CLSTN1: variants seen among roughly 807,000 people sequenced by gnomAD.
The protein encoded by CLSTN1 is calsyntenin-1.
CLSTN1 carries 28 observed loss-of-function variants against 108.3 expected under a neutral mutation model. The ratio of observed to expected loss-of-function variants is 0.26; its 90% CI spans 0.19 to 0.35. The LOEUF is 0.35. CLSTN1 is among the 10% of genes least tolerant of loss of function. The pLI is 1.00. For missense variants in CLSTN1, 1,157 were observed against 1,302.6 expected, an observed-to-expected ratio of 0.89 and a Z score of 1.72; for synonymous variants, 524 against 534.9, an observed-to-expected ratio of 0.98 and a Z score of 0.28.
intron 1 of CLSTN1, 26 bp from the exon 2 acceptor site, chr1:9,773,420 T>C (rs1466961220): frequency 9.6e-6 from 15 of 1,569,120 alleles, no homozygotes; most frequent in Non-Finnish European, 1.3e-5. Context: ...GAGAAAAAAA[T>C]AGACAAGGTT....
chr1:9,742,912 A>C (rs1651053264), intron 9 of CLSTN1, among the ~76,000 whole-genome samples: 1 of 150,792 alleles, frequency 6.6e-6, no homozygotes, highest in African/African-American at 2.4e-5. Context: ...TCTCGGGGGA[A>C]AAAAAAAAGA....
intron 2 of CLSTN1, among the ~76,000 whole-genome samples, chr1:9,757,141 T>G (rs567175943): frequency 1.3e-5 from 2 of 152,158 alleles, no homozygotes; most frequent in South Asian, 2.1e-4. Flanking sequence ...TTTGTTATTT[T>G]GCAGTTTTCA....
intron 5 of CLSTN1, chr1:9,750,133 C>G (rs1236988082): frequency 2.0e-6 from 1 of 497,116 alleles, no homozygotes. Flanking sequence ...CGGAGCTACA[C>G]AGCTCAGTCT....
In CLSTN1 at chr1:9,735,634, C is replaced by G. The variant is rs758945881; in HGVS notation, c.1735-19G>C. 3.1e-6 allele frequency: 5 copies of G among 1,613,944 alleles called. No homozygotes were observed. The highest frequency in any genetic ancestry group is 3.4e-6 in the Non-Finnish European group (4 of 1,179,892). On this transcript the variant is annotated intron_variant, in intron 12 of 18. Transcript: ENST00000377298. ...CTTGGATCTGAAATCACACCAGCCA[C>G]AGAGAGGAGAAGAATAAGCCAGTAA...
chr1:9,752,328 A>G (rs1651595084), intron 4 of CLSTN1, among the ~76,000 whole-genome samples: 1 of 152,208 alleles, frequency 6.6e-6, no homozygotes, highest in Non-Finnish European at 1.5e-5. Context: ...AAAAAACTGT[A>G]GGTTTCAAGG....
At chr1:9,760,970 A>C (rs1396106652) in intron 2 of CLSTN1, among the ~76,000 whole-genome samples, 1 of 151,944 alleles carries the variant, frequency 6.6e-6, no homozygotes, top group East Asian at 1.9e-4. Flanking sequence ...ATTGCCTCTC[A>C]CATCCCAGTT....
intron 1 of CLSTN1, among the ~76,000 whole-genome samples, chr1:9,790,398 G>A (rs1653706939): frequency 6.6e-6 from 1 of 151,360 alleles, no homozygotes. Flanking sequence ...GGTATGCTGT[G>A]ACTTTTCTTT....
rs2101372192 is a variant in CLSTN1 at position 9,823,948 on chromosome 1, A to G, written c.-215T>C. On this transcript the variant is annotated 5_prime_UTR_variant, in exon 1 of 19. Coordinates refer to ENST00000377298, the MANE Select transcript of CLSTN1 (RefSeq NM_001009566.3). This position sits in a 1 kb window ranked among gnomAD's most constrained non-coding sequence, Gnocchi z 6.3. ...CTCAGAGCAGCGTCTTGCTGAAGGCAGCGGCAGCAACTAAGATGGCGGCGG... is the reference window on the plus strand; with the variant it reads ...CTCAGAGCAGCGTCTTGCTGAAGGCGGCGGCAGCAACTAAGATGGCGGCGG... 1 of 158,492 alleles carries G rather than the reference A, an allele frequency of 6.3e-6. No homozygotes were observed. Among genetic ancestry groups the G allele is most frequent in the East Asian group, 1.9e-4 (1 of 5,374 alleles). The allele number at this position is 158,492 out of a possible 1,614,324, so 9.8% of individuals were successfully genotyped here. A position where few individuals can be genotyped will look rare whatever the true frequency, so the allele number is the denominator to read the frequency against.
chr1:9,799,935 C>A (rs748103151), intron 1 of CLSTN1, among the ~76,000 whole-genome samples: 1 of 151,982 alleles, frequency 6.6e-6, no homozygotes. Flanking sequence ...AGCAAGACTC[C>A]GTCTCAAAAT....
In CLSTN1 at chr1:9,735,668, G is replaced by A. The variant is rs181790185; in HGVS notation, c.1735-53C>T. The A allele has an allele frequency of 4.9e-3, 7,818 of 1,607,620 alleles. 95 individuals carry two copies. Among genetic ancestry groups the A allele is most frequent in the Non-Finnish European group, 3.5e-3 (4,091 of 1,175,392 alleles). On this transcript the variant is annotated intron_variant, in intron 12 of 18. Coordinates refer to ENST00000377298, the MANE Select transcript of CLSTN1 (RefSeq NM_001009566.3). ...GAAGAATAAGCCAGTAACCGCAGGA[G>A]CTGAAACCACAGATGCCTCCACAAA...
rs769822670 is a variant in CLSTN1, at chr1:9,751,521, T to C, written c.601A>G (p.Ser201Gly). ...DCSPQFSQICSYEIITPDVPF... is the reference protein window; with the variant it reads ...DCSPQFSQICGYEIITPDVPF... ...ACGTCTGGAGTGATGATTTCGTAGC[T>C]GCAAATCTGGCTGAACTGAGGGGAG... Residue 201 changes from serine (S) to glycine (G), a missense_variant, in exon 5 of 19, where the codon AGC becomes GGC. Coordinates refer to ENST00000377298, the MANE Select transcript of CLSTN1 (RefSeq NM_001009566.3). The C allele has an allele frequency of 3.1e-6, 5 of 1,614,166 alleles. No individual in the cohort carries two copies. Among genetic ancestry groups the C allele is most frequent in the Non-Finnish European group, 4.2e-6 (5 of 1,180,034 alleles).
Position 9,755,304 on chromosome 1 carries a change from T to C in CLSTN1, c.250A>G (p.Ile84Val). The C allele has an allele frequency of 6.2e-7, 1 of 1,611,640 alleles. No individual in the cohort carries two copies. Among genetic ancestry groups the C allele is most frequent in the South Asian group, 1.1e-5 (1 of 90,940 alleles). ...FEVTVTKEGE[I>V]CGFKIHGQNV... is the part of the protein sequence containing the mutation. ...TGCCCGTGAATTTTAAATCCACAAA[T>C]CTCACCTAGGGAGTCAAAGCAGAAC... The change falls in exon 4 of 19, where the codon ATT becomes GTT. Residue 84 changes from isoleucine (I) to valine (V), a missense_variant. By Grantham distance (29) the Ile-to-Val change is conservative. Coordinates refer to ENST00000377298, the MANE Select transcript of CLSTN1 (RefSeq NM_001009566.3).
Position 9,760,525 on chromosome 1 carries a change from G to C in CLSTN1, c.215-4015C>G, listed in dbSNP as rs947232996. Among the ~76,000 whole-genome samples the C allele has an allele frequency of 5.1e-4, 78 of 152,064 alleles. 1 individual carries two copies. Among genetic ancestry groups the C allele is most frequent in the Non-Finnish European group, 2.9e-5 (2 of 68,010 alleles). On this transcript the variant is annotated intron_variant, in intron 2 of 18. Transcript: ENST00000377298. ...AGACAGGGGCTACCACAGTACCTCT[G>C]ATGAGATACAATGAGGGCTGAACTA...
intron 1 of CLSTN1, among the ~76,000 whole-genome samples, chr1:9,774,287 C>T (rs573236653): frequency 2.6e-5 from 4 of 152,046 alleles, no homozygotes; most frequent in Non-Finnish European, 5.9e-5. Context: ...ATAATCCATC[C>T]GGGCGTGGTG....
intron 1 of CLSTN1, among the ~76,000 whole-genome samples, chr1:9,799,510 G>A (rs1030708906): frequency 2.0e-5 from 3 of 151,718 alleles, no homozygotes; most frequent in South Asian, 2.1e-4. Flanking sequence ...GCATGGTGGC[G>A]GGCGCCTGTA....
intron 1 of CLSTN1, among the ~76,000 whole-genome samples, chr1:9,785,974 G>A (rs1037123927): frequency 4.6e-5 from 7 of 151,776 alleles, no homozygotes; most frequent in African/African-American, 1.7e-4. Flanking sequence ...TCAGGAGTTC[G>A]ACACCAGCCT....
chr1:9,745,979 G>A (rs1335884273), intron 7 of CLSTN1, among the ~76,000 whole-genome samples: 3 of 151,874 alleles, frequency 2.0e-5, no homozygotes, highest in Non-Finnish European at 4.4e-5. Flanking sequence ...TGTTGTCCAA[G>A]CTAGTCTCCA....
chr1:9,819,181 T>C (rs189644021), intron 1 of CLSTN1, among the ~76,000 whole-genome samples: 1 of 152,182 alleles, frequency 6.6e-6, no homozygotes, highest in Admixed American at 6.5e-5. Context: ...ACATAAGAAA[T>C]AGACTCTTGG....
At chr1:9,738,797 C>T (rs1202101161) in intron 10 of CLSTN1, among the ~76,000 whole-genome samples, 11 of 152,068 alleles carry the variant, frequency 7.2e-5, no homozygotes, top group African/African-American at 1.7e-4. Context: ...TACAGGCGCA[C>T]GCCACCACGC....
Sources: allele counts gnomAD v4.1 joint callset (sites outside exome capture counted in the v4.1 genomes callset), GRCh38; gene constraint gnomAD v4.1.1; non-coding constraint Gnocchi (gnomAD v3.1); transcripts MANE v1.5; gene names NCBI Gene and HGNC (gene_info 2026-07-23, HGNC 2026-07-21).